The following BRINP2 variants were observed in gnomAD, a reference collection of about 807,000 sequenced individuals.
BRINP2 encodes BMP/retinoic acid inducible neural specific 2, also known as BMP/retinoic acid-inducible neural-specific protein 2.
BRINP2 carries 21 observed loss-of-function variants against 69.2 expected under a neutral mutation model. That is an observed-to-expected ratio of 0.30 (90% CI 0.22 to 0.44). The LOEUF is 0.44. Among genes scored for constraint, BRINP2 ranks in the 20% least tolerant of loss-of-function variants. The pLI is 1.00. For synonymous variants in BRINP2, 380 were observed against 394.1 expected, an observed-to-expected ratio of 0.96 and a Z score of 0.42; for missense variants, 877 against 986.0, an observed-to-expected ratio of 0.89 and a Z score of 1.48.
At chr1:177,269,112 C>T (rs1260994012) in intron 4 of BRINP2, among the ~76,000 whole-genome samples, 1 of 152,150 alleles carries the variant, frequency 6.6e-6, no homozygotes, top group African/African-American at 2.4e-5. Context: ...CCCTGCAGCC[C>T]CCGGATTTCC....
chr1:177,243,979 T>A (rs1180895784), intron 2 of BRINP2, among the ~76,000 whole-genome samples: 1 of 36,444 alleles, frequency 2.7e-5, no homozygotes, highest in Non-Finnish European at 5.4e-5. Flanking sequence ...GCTGTGGGGG[T>A]GGGGGTGGGA....
rs142883063 is a variant in BRINP2 at position 177,280,715 on chromosome 1, G to T, written c.1539G>T (p.Glu513Asp). 2.7e-5 allele frequency: 44 copies of T among 1,614,114 alleles called. No individual in the cohort carries two copies. Among genetic ancestry groups the T allele is most frequent in the Non-Finnish European group, 3.6e-5 (43 of 1,180,054 alleles). ...TGGAGACAGACTTGCAGGACCTGGAGCTAAAGTACCTGCTGCAGAAGCAGG... is the reference window on the plus strand; with the variant it reads ...TGGAGACAGACTTGCAGGACCTGGATCTAAAGTACCTGCTGCAGAAGCAGG... Reference protein sequence around the residue: ...LGLETDLQDLELKYLLQKQDS... With the variant: ...LGLETDLQDLDLKYLLQKQDS... The change falls in exon 8 of 8, where the codon GAG becomes GAT. Residue 513 changes from glutamate (E) to aspartate (D), a missense_variant. By Grantham distance (45) the Glu-to-Asp change is conservative. Transcript: ENST00000361539.
intron 1 of BRINP2, among the ~76,000 whole-genome samples, chr1:177,171,951 G>C (rs1321518588): frequency 6.6e-6 from 1 of 152,152 alleles, no homozygotes; most frequent in African/African-American, 2.4e-5. Flanking sequence ...ATTGCCTCCT[G>C]GTGTTGCATG....
chr1:177,273,459 AACCC>A (rs1651397606), intron 4 of BRINP2, 25 bp from the exon 5 acceptor site: 1 of 1,510,180 alleles, frequency 6.6e-7, no homozygotes, highest in Non-Finnish European at 9.1e-7. Context: ...TTGTTATCTA[AACCC>A]ACTCCCTACT....
intron 2 of BRINP2, among the ~76,000 whole-genome samples, chr1:177,235,568 A>G (rs1649996310): frequency 6.6e-6 from 1 of 152,194 alleles, no homozygotes. Flanking sequence ...GGCAGATAGC[A>G]GCTGTGGAAG....
At chr1:177,275,071 T>G (rs542046235) in intron 5 of BRINP2, 9 of 454,024 alleles carry the variant, frequency 2.0e-5, no homozygotes, top group Admixed American at 9.4e-5. Context: ...TTCCTCACTT[T>G]CCTGGCACAA....
chr1:177,237,028 C>T (rs1476402020), intron 2 of BRINP2, among the ~76,000 whole-genome samples: 1 of 151,918 alleles, frequency 6.6e-6, no homozygotes, highest in Non-Finnish European at 1.5e-5. Flanking sequence ...GGACCAAAAG[C>T]AACTTCTTAC....
intron 1 of BRINP2, among the ~76,000 whole-genome samples, chr1:177,221,792 T>C (rs1378568898): frequency 6.6e-6 from 1 of 152,100 alleles, no homozygotes; most frequent in Non-Finnish European, 1.5e-5. Flanking sequence ...CAGGTGGAAA[T>C]TAACCAGGGA....
intron 2 of BRINP2, among the ~76,000 whole-genome samples, chr1:177,243,886 T>G (rs1055143098): frequency 4.0e-5 from 6 of 151,310 alleles, no homozygotes; most frequent in Admixed American, 6.6e-5. Context: ...ATGAAGGATT[T>G]CATGAGAGGT....
intron 4 of BRINP2, among the ~76,000 whole-genome samples, chr1:177,270,088 G>T (rs533538828): frequency 8.8e-5 from 12 of 135,804 alleles, no homozygotes; most frequent in African/African-American, 3.1e-4. Flanking sequence ...GGGGTGGGGG[G>T]GGTGGTTCTC....
At chr1:177,216,063 A>G (rs1649366697) in intron 1 of BRINP2, among the ~76,000 whole-genome samples, 1 of 152,046 alleles carries the variant, frequency 6.6e-6, no homozygotes, top group Non-Finnish European at 1.5e-5. Context: ...ATTTTTATCT[A>G]TAAATTCACT....
chr1:177,181,275 A>T (rs1414307782), intron 1 of BRINP2, among the ~76,000 whole-genome samples: 3 of 151,554 alleles, frequency 2.0e-5, no homozygotes, highest in Non-Finnish European at 4.4e-5. Flanking sequence ...TTTTCCCAAT[A>T]CTCCTCAGTT....
intron 6 of BRINP2, among the ~76,000 whole-genome samples, chr1:177,277,739 G>C (rs1651545772): frequency 6.6e-6 from 1 of 152,074 alleles, no homozygotes; most frequent in East Asian, 1.9e-4. Context: ...TCCATAACAT[G>C]ACTTTGGGCC....
intron 1 of BRINP2, among the ~76,000 whole-genome samples, chr1:177,196,319 T>C (rs1023420484): frequency 6.6e-6 from 1 of 152,178 alleles, no homozygotes; most frequent in South Asian, 2.1e-4. Context: ...CAGCTATCCA[T>C]GTGGCTTAAA....
intron 1 of BRINP2, among the ~76,000 whole-genome samples, chr1:177,219,519 G>T (rs943132943): frequency 6.6e-6 from 1 of 152,170 alleles, no homozygotes; most frequent in Admixed American, 6.5e-5. Context: ...AAGCTGTCAG[G>T]CAACTCATAT....
intron 2 of BRINP2, 52 bp from the exon 3 acceptor site, chr1:177,255,867 T>A (rs963365271): frequency 6.4e-7 from 1 of 1,571,102 alleles, no homozygotes; most frequent in Non-Finnish European, 8.7e-7. Flanking sequence ...ATTTTATGCC[T>A]CTTGCTCTGA....
At chr1:177,258,525 T>C (rs1387098045) in intron 4 of BRINP2, among the ~76,000 whole-genome samples, 1 of 152,232 alleles carries the variant, frequency 6.6e-6, no homozygotes, top group Non-Finnish European at 1.5e-5. Context: ...CATTTTGTTA[T>C]GGTTTGCTTC....
intron 5 of BRINP2, chr1:177,275,291 C>T (rs1412271904): frequency 1.8e-5 from 8 of 455,090 alleles, no homozygotes; most frequent in Admixed American, 4.7e-5. Flanking sequence ...AAGCTCAGAG[C>T]AATTTAGTGC....
chr1:177,189,017 A>G (rs1648511522), intron 1 of BRINP2, among the ~76,000 whole-genome samples: 1 of 152,214 alleles, frequency 6.6e-6, no homozygotes, highest in Non-Finnish European at 1.5e-5. Context: ...CGGTAGCTCA[A>G]GAGGGTTCTT....
Sources: allele counts gnomAD v4.1 joint callset (sites outside exome capture counted in the v4.1 genomes callset), GRCh38; gene constraint gnomAD v4.1.1; transcripts MANE v1.5; gene names NCBI Gene and HGNC (gene_info 2026-07-23, HGNC 2026-07-21).